COL28A1: variants seen among roughly 807,000 people sequenced by gnomAD.
COL28A1 encodes the protein collagen type XXVIII alpha 1 chain.
In COL28A1, 161 loss-of-function variants were observed where a neutral mutation model predicts 150.2. The ratio of observed to expected loss-of-function variants is 1.07; its 90% confidence interval spans 0.94 to 1.22. The LOEUF (loss-of-function observed/expected upper bound fraction) is 1.22. COL28A1 is among the 50% of genes most tolerant of loss of function. The probability of loss-of-function intolerance (pLI) is 0.00; values close to 1 mark genes in which losing one functional copy is unlikely to be tolerated. For synonymous variants in COL28A1, 552 were observed against 469.7 expected, an observed-to-expected ratio of 1.18 and a Z score of -2.26; for missense variants, 1,617 against 1,388.3, an observed-to-expected ratio of 1.16 and a Z score of -2.62.
rs1786464601 is a variant in COL28A1, at chr7:7,448,780, A to G, written c.1509+3539T>C. Among the ~76,000 whole-genome samples, 4 of 152,100 alleles carry G rather than the reference A, an allele frequency of 2.6e-5. No homozygotes were observed. In the South Asian group the frequency reaches 8.3e-4, roughly 31 times the overall value. ...CAATACTATTCAGCAATACAAAGGA[A>G]TGAACTGTTCATATATATGCTACAA... is the stretch of plus-strand genomic sequence containing the variant. On this transcript the variant is annotated intron_variant, in intron 18 of 34. Coordinates refer to ENST00000399429, the MANE Select transcript of COL28A1 (RefSeq NM_001037763.3).
intron 18 of COL28A1, 63 bp from the exon 19 acceptor site, chr7:7,444,552 A>G: frequency 6.7e-7 from 1 of 1,490,664 alleles, no homozygotes; most frequent in African/African-American, 1.4e-5. Context: ...GGTACTTGCA[A>G]TTGGATGTAT....
chr7:7,474,582 A>T lies in COL28A1; in HGVS notation c.1302+19T>A, dbSNP rs1562770631. 2.0e-6 allele frequency: 2 copies of T among 977,170 alleles called. No homozygotes were observed. Among genetic ancestry groups the T allele is most frequent in the Admixed American group, 1.7e-5 (1 of 58,252 alleles). 60.5% of individuals were successfully genotyped at this position (977,170 alleles called of 1,614,324 possible). On this transcript the variant is annotated intron_variant, in intron 15 of 34. Coordinates refer to ENST00000399429, the MANE Select transcript of COL28A1 (RefSeq NM_001037763.3). ...ATTTTATTGGCATTGTTTCCAGTGT[A>T]CACCCTATTATACAGTACCTTCTCC...
chr7:7,440,918 A>G, intron 20 of COL28A1, 57 bp from the exon 21 acceptor site: 3 of 845,220 alleles, frequency 3.5e-6, no homozygotes, highest in African/African-American at 3.3e-5. Flanking sequence ...ACCTCCCCTA[A>G]TCTAGCAAGG....
At chr7:7,473,293 G>A (rs56885641) in intron 15 of COL28A1, among the ~76,000 whole-genome samples, 1 of 152,056 alleles carries the variant, frequency 6.6e-6, no homozygotes, top group African/African-American at 2.4e-5. Context: ...CTATACACCT[G>A]ACAAAGGACT....
At chr7:7,422,238 T>C (rs1784416824) in intron 25 of COL28A1, among the ~76,000 whole-genome samples, 1 of 152,148 alleles carries the variant, frequency 6.6e-6, no homozygotes, top group South Asian at 2.1e-4. Context: ...ATAATACTCC[T>C]CTTTGCTCAG....
intron 9 of COL28A1, among the ~76,000 whole-genome samples, chr7:7,507,781 T>C (rs769891421): frequency 6.6e-5 from 10 of 152,124 alleles, no homozygotes; most frequent in Non-Finnish European, 1.2e-4. Context: ...TAGAAACATA[T>C]AAATAAACAA....
intron 22 of COL28A1, among the ~76,000 whole-genome samples, 161 bp from the exon 23 acceptor site, chr7:7,436,624 C>T (rs1007014445): frequency 6.6e-6 from 1 of 152,178 alleles, no homozygotes; most frequent in African/African-American, 2.4e-5. Context: ...ACTTTCAAAT[C>T]CTAAGTAAAT....
chr7:7,497,311 C>G (rs1780273606), intron 11 of COL28A1, among the ~76,000 whole-genome samples: 1 of 152,232 alleles, frequency 6.6e-6, no homozygotes, highest in East Asian at 1.9e-4. Context: ...TTAAAATTAC[C>G]AACACATATG....
At chr7:7,486,805 G>A (rs1779647579) in intron 13 of COL28A1, among the ~76,000 whole-genome samples, 1 of 152,120 alleles carries the variant, frequency 6.6e-6, no homozygotes, top group African/African-American at 2.4e-5. Flanking sequence ...TAGTCATGCT[G>A]TATAATTCTT....
intron 33 of COL28A1, among the ~76,000 whole-genome samples, chr7:7,362,613 A>ACT (rs112430717): frequency 1.1e-3 from 163 of 151,908 alleles, no homozygotes; most frequent in African/African-American, 3.8e-3. Context: ...TAGAGCAAAG[A>ACT]TTTTTCCATT....
At chr7:7,444,628 T>G in intron 18 of COL28A1, 139 bp from the exon 19 acceptor site, 1 of 788,644 alleles carries the variant, frequency 1.3e-6, no homozygotes, top group Non-Finnish European at 2.0e-6. Context: ...TATTTGATCT[T>G]GGGAAGCTAC....
intron 18 of COL28A1, among the ~76,000 whole-genome samples, chr7:7,447,894 C>G (rs1786385012): frequency 6.6e-6 from 1 of 151,974 alleles, no homozygotes; most frequent in African/African-American, 2.4e-5. Flanking sequence ...TTACTAAAGC[C>G]CATCTCTACT....
chr7:7,489,744 G>A (rs528421023), intron 12 of COL28A1, among the ~76,000 whole-genome samples: 42 of 152,136 alleles, frequency 2.8e-4, no homozygotes, highest in Admixed American at 7.9e-4. Context: ...ATGCAGGTTG[G>A]TTACAGAGCT....
chr7:7,419,859 C>A (rs1463905988), intron 26 of COL28A1, 26 bp downstream of exon 26: 13 of 1,507,390 alleles, frequency 8.6e-6, no homozygotes, highest in African/African-American at 1.4e-5. Context: ...CTGACCCTCA[C>A]ACAAAGCACT....
chr7:7,474,554 A>G, intron 15 of COL28A1, 47 bp downstream of exon 15: 1 of 860,272 alleles, frequency 1.2e-6, no homozygotes, highest in Non-Finnish European at 2.0e-6. Flanking sequence ...AAGAACAATG[A>G]CAATTTTATT....
chr7:7,492,771 T>G (rs1327489525), intron 11 of COL28A1, among the ~76,000 whole-genome samples: 1 of 151,560 alleles, frequency 6.6e-6, no homozygotes, highest in African/African-American at 2.4e-5. Flanking sequence ...CTTTGATATT[T>G]AAGTGGATTG....
At chr7:7,453,411 T>C (rs779431506) in intron 17 of COL28A1, 29 bp downstream of exon 17, 28 of 954,784 alleles carry the variant, frequency 2.9e-5, no homozygotes, top group Non-Finnish European at 4.7e-5. Context: ...TATAGATATA[T>C]TAAACTCCGC....
At chr7:7,538,974 T>G (rs867287566), upstream of COL28A1, among the ~76,000 whole-genome samples, 1 of 152,168 alleles carries the variant, frequency 6.6e-6, no homozygotes, top group African/African-American at 2.4e-5. Flanking sequence ...TTTTCTTTCT[T>G]TCTTTCTCTT....
At chr7:7,384,174 A>C (rs1201645396) in intron 27 of COL28A1, among the ~76,000 whole-genome samples, 1 of 152,206 alleles carries the variant, frequency 6.6e-6, no homozygotes, top group Non-Finnish European at 1.5e-5. Flanking sequence ...TAATTCACTG[A>C]ATGTCTTTTC....
Sources: gnomAD v4.1 joint callset for allele counts (sites outside exome capture counted in the v4.1 genomes callset) on GRCh38, gnomAD v4.1.1 for gene constraint, MANE v1.5 for transcripts, NCBI Gene and HGNC (gene_info 2026-07-23, HGNC 2026-07-21) for gene names.